RAPGEF3: variants seen among roughly 807,000 people sequenced by gnomAD.
RAPGEF3 encodes the protein Rap guanine nucleotide exchange factor 3.
RAPGEF3 carries 103 observed loss-of-function variants against 129.8 expected under a neutral mutation model. The observed-to-expected ratio is 0.79, with a 90% CI of 0.68 to 0.93. The LOEUF (loss-of-function observed/expected upper bound fraction) is 0.93. RAPGEF3 is among the 40% of genes least tolerant of loss of function. The pLI, the probability that RAPGEF3 is intolerant of heterozygous loss-of-function variation, is 0.00. For synonymous variants in RAPGEF3, 436 were observed against 482.6 expected, an observed-to-expected ratio of 0.90 and a Z score of 1.26; for missense variants, 1,117 against 1,207.4, an observed-to-expected ratio of 0.93 and a Z score of 1.11.
At chr12:47,751,997 T>A in intron 2 of RAPGEF3, 28 bp from the exon 3 acceptor site, 1 of 1,612,952 alleles carries the variant, frequency 6.2e-7, no homozygotes. Context: ...AGCGTGCACA[T>A]CAGTGTGAGG....
At position 47,749,249 on chromosome 12, in the gene RAPGEF3, G is replaced by A; in HGVS notation, c.1041+141C>T. On this transcript the variant is annotated intron_variant, in intron 10 of 27. Coordinates refer to ENST00000449771, the MANE Select transcript of RAPGEF3 (RefSeq NM_001098531.4). This position sits in a 1 kb window ranked among gnomAD's most constrained non-coding sequence, Gnocchi z 4.5. The stretch of plus-strand genomic sequence containing the variant: ...CCTTCTCACACACACCCAGGGCTAT[G>A]GTCCCACTGCCAGCTGTCATAGCCC... The A allele has an allele frequency of 1.9e-6, 2 of 1,047,026 alleles. No homozygotes were observed. Among genetic ancestry groups the A allele is most frequent in the Admixed American group, 1.8e-5 (1 of 54,990 alleles). The allele number at this position is 1,047,026 out of a possible 1,614,324, so 64.9% of individuals were successfully genotyped here.
Position 47,747,878 on chromosome 12 carries a change from G to A in RAPGEF3, c.1323-16C>T, listed in dbSNP as rs778677656. On this transcript the variant is annotated splice_polypyrimidine_tract_variant and intron_variant, in intron 13 of 27. Transcript: ENST00000449771. ...CACATGGAAGGTGGGCACCAGTCAA[G>A]GGAACCACAACATCCAAGCAGGGCC... 6 of 1,600,988 alleles carry A rather than the reference G, an allele frequency of 3.7e-6. No individual in the cohort carries two copies. The highest frequency in any genetic ancestry group is 5.1e-6 in the Non-Finnish European group (6 of 1,178,900).
chr12:47,750,014 C>T (rs780765599), intron 7 of RAPGEF3, 24 bp from the exon 8 acceptor site: 11 of 1,614,062 alleles, frequency 6.8e-6, no homozygotes, highest in Middle Eastern at 1.6e-4. Flanking sequence ...ATAGGAGAGT[C>T]GGTGGCGACA....
chr12:47,751,219 G>C lies in RAPGEF3; in HGVS notation c.503-3C>G. On this transcript the variant is annotated splice_polypyrimidine_tract_variant and splice_region_variant and intron_variant, in intron 5 of 27. Transcript: ENST00000449771. ...CTGGAAGGCCCAGTCGTGTTTCACTGGGGGGCAGAGGCCCAGGCGTGGGGG... is the reference window on the plus strand; with the variant it reads ...CTGGAAGGCCCAGTCGTGTTTCACTCGGGGGCAGAGGCCCAGGCGTGGGGG... 1 of 1,548,738 alleles carries C rather than the reference G, an allele frequency of 6.5e-7. No individual in the cohort carries two copies. The highest frequency in any genetic ancestry group is 8.7e-7 in the Non-Finnish European group (1 of 1,145,630).
Position 47,740,921 on chromosome 12 carries a change from G to A in RAPGEF3, c.2043C>T (p.Ile681=), listed in dbSNP as rs1325871841. ...TDHDWSLFNS[I]HQVELIHYVL... ...CCAGCTCTGCCTCCCATACCTGGTG[G>A]ATACTGTTGAAGAGGCTCCAGTCGT... is the stretch of plus-strand genomic sequence containing the variant. The change falls in exon 20 of 28, where the codon ATC becomes ATT. Residue 681 remains isoleucine (I), a synonymous_variant. Transcript: ENST00000449771. The A allele has an allele frequency of 2.5e-6, 4 of 1,614,054 alleles. No homozygotes were observed. Among genetic ancestry groups the A allele is most frequent in the Non-Finnish European group, 3.4e-6 (4 of 1,179,986 alleles).
intron 18 of RAPGEF3, 191 bp from the exon 19 acceptor site, chr12:47,741,793 TC>T: frequency 1.7e-6 from 1 of 597,176 alleles, no homozygotes. Flanking sequence ...GGGAAGCACA[TC>T]CAAGAGGATG....
At chr12:47,741,772 C>A in intron 18 of RAPGEF3, 170 bp from the exon 19 acceptor site, 1 of 622,598 alleles carries the variant, frequency 1.6e-6, no homozygotes, top group Non-Finnish European at 2.9e-6. Context: ...CCCACGCAGC[C>A]ACGCAGCCCA....
intron 12 of RAPGEF3, 133 bp from the exon 13 acceptor site, chr12:47,748,285 GAT>G: frequency 1.0e-6 from 1 of 971,296 alleles, no homozygotes; most frequent in Non-Finnish European, 1.6e-6. Flanking sequence ...CAGCCCCTGT[GAT>G]AGTGCTCCCC....
chr12:47,747,543 C>A lies in RAPGEF3; in HGVS notation c.1556+1G>T. 6.2e-7 allele frequency: 1 copy of A among 1,613,560 alleles called. No individual in the cohort carries two copies. The highest frequency in any genetic ancestry group is 8.5e-7 in the Non-Finnish European group (1 of 1,179,572). On this transcript the variant is annotated splice_donor_variant, in intron 15 of 27. Transcript: ENST00000449771. LOFTEE classifies it high-confidence loss of function. ...ACAAATTAACAGAGTCAAAGCATCA[C>A]CTGTGGCATCGCCGCCTCTCTGGCC...
intron 18 of RAPGEF3, 94 bp from the exon 19 acceptor site, chr12:47,741,696 G>C (rs1032759630): frequency 4.4e-5 from 48 of 1,079,854 alleles, no homozygotes; most frequent in Non-Finnish European, 6.7e-5. Context: ...GGGAGGCTGA[G>C]AGGTTGTTTC....
At chr12:47,737,824 G>A (rs1169265712) in intron 27 of RAPGEF3, 139 bp from the exon 28 acceptor site, 15 of 1,113,202 alleles carry the variant, frequency 1.3e-5, no homozygotes, top group East Asian at 1.0e-4. Flanking sequence ...TCCTAAAGAC[G>A]GCTGTCCCTG....
intron 1 of RAPGEF3, 45 bp from the exon 2 acceptor site, chr12:47,758,123 G>C: frequency 6.5e-7 from 1 of 1,531,772 alleles, no homozygotes; most frequent in African/African-American, 1.4e-5. Flanking sequence ...ACACGACTGG[G>C]GCGGCTGGGC....
At chr12:47,757,381 G>A (rs1422746273) in intron 2 of RAPGEF3, among the ~76,000 whole-genome samples, 2 of 152,086 alleles carry the variant, frequency 1.3e-5, no homozygotes, top group Non-Finnish European at 2.9e-5. Flanking sequence ...CCAAAGGCAG[G>A]TACCAAGCAG....
chr12:47,748,379 G>C, intron 12 of RAPGEF3, 75 bp downstream of exon 12: 2 of 1,372,580 alleles, frequency 1.5e-6, no homozygotes, highest in Non-Finnish European at 2.1e-6. Flanking sequence ...TCAGATGCAG[G>C]GTACCTGGCT....
rs754730560 is a variant in RAPGEF3, at chr12:47,751,055, G to C, written c.664C>G (p.Arg222Gly). ...GCAGGGATTCTGACTCACGGCTTTC[G>C]AAGTGCCACAGTGAGCAGGGCGTCA... ...GPDALLTVAL[R>G]KPPGQRTDEE... The change falls in exon 6 of 28, where the codon CGA (arginine) becomes GGA (glycine). Residue 222 changes from arginine to glycine, a missense_variant. Coordinates refer to ENST00000449771, the MANE Select transcript of RAPGEF3 (RefSeq NM_001098531.4). 1.1e-4 allele frequency: 171 copies of C among 1,597,532 alleles called. No individual in the cohort carries two copies. Among genetic ancestry groups the C allele is most frequent in the Non-Finnish European group, 1.4e-4 (164 of 1,173,144 alleles).
At chr12:47,746,941 C>G in intron 15 of RAPGEF3, 42 bp from the exon 16 acceptor site, 1 of 1,581,376 alleles carries the variant, frequency 6.3e-7, no homozygotes, top group Non-Finnish European at 8.6e-7. Context: ...CCCAGGTATC[C>G]CTGGGGCTGC....
intron 15 of RAPGEF3, among the ~76,000 whole-genome samples, chr12:47,747,242 G>C (rs1941474785): frequency 6.6e-6 from 1 of 152,190 alleles, no homozygotes; most frequent in African/African-American, 2.4e-5. Context: ...AATGTACCGG[G>C]CGGGACTGGC....
Position 47,735,316 on chromosome 12 carries a change from C to G in RAPGEF3, c.*2251G>C, listed in dbSNP as rs1439406317. On this transcript the variant is annotated 3_prime_UTR_variant, in exon 28 of 28. Coordinates refer to ENST00000449771, the MANE Select transcript of RAPGEF3 (RefSeq NM_001098531.4). ...GCACACAGCCTGGGCTGCTAGGGAA[C>G]ACCAGAGGATGCCTCCTGCCCCACA... 2 of 152,252 alleles carry G rather than the reference C, an allele frequency of 1.3e-5. No individual in the cohort carries two copies. Among genetic ancestry groups the G allele is most frequent in the Admixed American group, 1.3e-4 (2 of 15,288 alleles). The allele number at this position is 152,252 out of a possible 1,614,324, so 9.4% of individuals were successfully genotyped here.
intron 7 of RAPGEF3, 148 bp downstream of exon 7, chr12:47,750,193 A>G: frequency 9.4e-7 from 1 of 1,062,766 alleles, no homozygotes; most frequent in Non-Finnish European, 1.4e-6. Flanking sequence ...CAGACAGGGC[A>G]GCGCCGGGGG....
Sources: allele counts gnomAD v4.1 joint callset (sites outside exome capture counted in the v4.1 genomes callset), GRCh38; gene constraint gnomAD v4.1.1; non-coding constraint Gnocchi (gnomAD v3.1); transcripts MANE v1.5; gene names NCBI Gene and HGNC (gene_info 2026-07-23, HGNC 2026-07-21).